The following AGPAT2 variants were observed in gnomAD, a reference collection of about 807,000 sequenced individuals.
AGPAT2 encodes 1-acylglycerol-3-phosphate O-acyltransferase 2.
Under a neutral mutation model 26.1 loss-of-function variants are expected in AGPAT2, and 18 were observed. The observed-to-expected ratio is 0.69, with a 90% CI of 0.48 to 1.02. The LOEUF is 1.02. Among genes scored for constraint, AGPAT2 ranks in the 50% least tolerant of loss-of-function variants. AGPAT2 has a pLI of 0.00. For missense variants in AGPAT2, 415 were observed against 394.9 expected (o/e 1.05, Z -0.43); for synonymous variants, 200 against 174.2 (o/e 1.15, Z -1.16).
rs760293333 is a variant in AGPAT2, at chr9:136,674,725, G to T, written c.661+10C>A. On this transcript the variant is annotated intron_variant, in intron 5 of 5. Coordinates refer to ENST00000371696, the MANE Select transcript of AGPAT2 (RefSeq NM_006412.4). ...GGGCCTACACCCCGGGTGCACACAT[G>T]TGGGGGTACCTGAAGTGAAGAACTT... is the stretch of plus-strand genomic sequence containing the variant. 8 of 1,480,062 alleles carry T rather than the reference G, an allele frequency of 5.4e-6. No individual in the cohort carries two copies. Among genetic ancestry groups the T allele is most frequent in the Middle Eastern group, 1.8e-4 (1 of 5,552 alleles). The allele number at this position is 1,480,062 out of a possible 1,614,324, so 91.7% of individuals were successfully genotyped here.
chr9:136,685,049 C>A (rs1846205350), intron 1 of AGPAT2, among the ~76,000 whole-genome samples: 1 of 152,212 alleles, frequency 6.6e-6, no homozygotes, highest in Non-Finnish European at 1.5e-5. Flanking sequence ...ATCAGGGACC[C>A]TGGGGCCTGG....
chr9:136,676,925 A>G, intron 3 of AGPAT2, 36 bp downstream of exon 3: 9 of 521,432 alleles, frequency 1.7e-5, no homozygotes, highest in Non-Finnish European at 2.6e-5. Context: ...CCCAGGCCCC[A>G]CCCCAACCCC....
chr9:136,677,650 G>T (rs1846111399), intron 1 of AGPAT2, 94 bp from the exon 2 acceptor site: 2 of 1,499,380 alleles, frequency 1.3e-6, no homozygotes, highest in Non-Finnish European at 1.8e-6. Context: ...AGGAGGCTGG[G>T]GAGGGGCCCT....
At chr9:136,679,724 C>T (rs553516571) in intron 1 of AGPAT2, among the ~76,000 whole-genome samples, 1 of 152,362 alleles carries the variant, frequency 6.6e-6, no homozygotes, top group South Asian at 2.1e-4. Context: ...AGAGACTGTC[C>T]TCATCCTTCC....
intron 2 of AGPAT2, 136 bp downstream of exon 2, chr9:136,677,287 C>G: frequency 6.6e-7 from 1 of 1,517,490 alleles, no homozygotes; most frequent in Non-Finnish European, 9.0e-7. Context: ...GTGTCTGGCC[C>G]TGAGGGAGGT....
In AGPAT2 at chr9:136,685,935, C is replaced by T. The variant is rs1033466284; in HGVS notation, c.182+1241G>A. Among the ~76,000 whole-genome samples, 3 of 152,340 alleles carry T rather than the reference C, an allele frequency of 2.0e-5. No individual in the cohort carries two copies. The South Asian group carries it at 6.2e-4, about 32-fold the overall frequency. The stretch of plus-strand genomic sequence containing the variant: ...TCGCTGAAGGGTGCTCCACTGGGGA[C>T]GTCAGCGCCAGTCACCACCTGGGCC... On this transcript the variant is annotated intron_variant, in intron 1 of 5. Coordinates refer to ENST00000371696, the MANE Select transcript of AGPAT2 (RefSeq NM_006412.4).
rs117902363 is a variant in AGPAT2 at position 136,680,614 on chromosome 9, C to T, written c.183-3058G>A. ...CTGGTGAGGGCCACATGGGGTCCCC[C>T]GTAATATCTTTGCAACTTCTCTGTA... On this transcript the variant is annotated intron_variant, in intron 1 of 5. Transcript: ENST00000371696. Among the ~76,000 whole-genome samples, 72 of 152,124 alleles carry T rather than the reference C, an allele frequency of 4.7e-4. No homozygotes were observed. The East Asian group carries it at 0.012, about 24-fold the overall frequency.
chr9:136,677,314 C>T (rs1365635318), intron 2 of AGPAT2, 109 bp downstream of exon 2: 2 of 1,572,998 alleles, frequency 1.3e-6, no homozygotes, highest in Non-Finnish European at 1.7e-6. Flanking sequence ...GCCGAGCTCG[C>T]CCAGGCACAG....
chr9:136,677,493 G>T lies in AGPAT2; in HGVS notation c.246C>A (p.Asp82Glu), dbSNP rs758027160. ...GACGGGCCTCCTGCAGCCTGCGCGG[G>T]TCCCGCACCTCGAAGCGGAGCCCGT... ...YFYGLRFEVR[D>E]PRRLQEARPC... The change falls in exon 2 of 6, where the codon GAC (aspartate) becomes GAA (glutamate). Residue 82 changes from aspartate to glutamate, a missense_variant. Physicochemically the swap from Asp to Glu is conservative, Grantham distance 45 (BLOSUM62 2). Coordinates refer to ENST00000371696, the MANE Select transcript of AGPAT2 (RefSeq NM_006412.4). 6 of 1,613,088 alleles carry T rather than the reference G, an allele frequency of 3.7e-6. No individual in the cohort carries two copies. In the Admixed American group the frequency reaches 1.0e-4, roughly 27 times the overall value.
At chr9:136,677,896 G>A (rs988162336) in intron 1 of AGPAT2, among the ~76,000 whole-genome samples, 1 of 152,226 alleles carries the variant, frequency 6.6e-6, no homozygotes, top group Non-Finnish European at 1.5e-5. Context: ...CAGCCGGAAA[G>A]GAACTGGCAC....
chr9:136,678,361 G>A (rs76524875), intron 1 of AGPAT2, among the ~76,000 whole-genome samples: 26 of 152,320 alleles, frequency 1.7e-4, no homozygotes, highest in African/African-American at 6.3e-4. Flanking sequence ...GGATGTCCAA[G>A]GGGTACCCGA....
Position 136,673,707 on chromosome 9 carries a change from G to A in AGPAT2, c.*45C>T, listed in dbSNP as rs769602973. On this transcript the variant is annotated 3_prime_UTR_variant, in exon 6 of 6. Coordinates refer to ENST00000371696, the MANE Select transcript of AGPAT2 (RefSeq NM_006412.4). ...CCCCTCTGCCCATCCTCCAGCCATC[G>A]GCTTCCACCTGCCCTCCCCAGGTCA... is the stretch of plus-strand genomic sequence containing the variant. 41 of 1,504,828 alleles carry A rather than the reference G, an allele frequency of 2.7e-5. No homozygotes were observed. Among genetic ancestry groups the A allele is most frequent in the Middle Eastern group, 2.4e-4 (1 of 4,222 alleles). 93.2% of individuals were successfully genotyped at this position (1,504,828 alleles called of 1,614,324 possible). A position where few individuals can be genotyped will look rare whatever the true frequency, so the allele number is the denominator to read the frequency against.
At chr9:136,675,350 C>G in intron 4 of AGPAT2, among the ~76,000 whole-genome samples, 1 of 109,760 alleles carries the variant, frequency 9.1e-6, no homozygotes, top group East Asian at 2.6e-4. Flanking sequence ...GGACTGGCAG[C>G]AGGAAGGGAG....
In AGPAT2 at chr9:136,677,517, G is replaced by C. The variant is rs761832220; in HGVS notation, c.222C>G (p.Tyr74Ter). Reference protein sequence around the residue: ...GWFVRSFKYFYGLRFEVRDPR... With the variant: ...GWFVRSFKYF ...GGTCCCGCACCTCGAAGCGGAGCCC[G>C]TAAAAGTACTTGAAGCTTCGCACGA... The change falls in exon 2 of 6, where the codon TAC becomes TAG. Residue 74 changes from tyrosine to a stop codon, truncating the protein, a stop_gained. Coordinates refer to ENST00000371696, the MANE Select transcript of AGPAT2 (RefSeq NM_006412.4). LOFTEE classifies it high-confidence loss of function. The C allele has an allele frequency of 6.2e-7, 1 of 1,612,858 alleles. No individual in the cohort carries two copies. Among genetic ancestry groups the C allele is most frequent in the Non-Finnish European group, 8.5e-7 (1 of 1,179,960 alleles).
At chr9:136,676,873 T>G in intron 3 of AGPAT2, 88 bp downstream of exon 3, 1 of 1,518,900 alleles carries the variant, frequency 6.6e-7, no homozygotes, top group Admixed American at 1.8e-5. Context: ...TCTTGTTTTT[T>G]CTGCCAAAAC....
intron 3 of AGPAT2, 55 bp from the exon 4 acceptor site, chr9:136,676,735 C>CCACG: frequency 6.5e-7 from 1 of 1,538,266 alleles, no homozygotes; most frequent in Non-Finnish European, 9.0e-7. Context: ...CCCAGAAAGG[C>CCACG]CACGCCGCCT....
chr9:136,683,671 G>C (rs1387894496), intron 1 of AGPAT2, among the ~76,000 whole-genome samples: 1 of 152,222 alleles, frequency 6.6e-6, no homozygotes, highest in Non-Finnish European at 1.5e-5. Flanking sequence ...ATGTGTAGGA[G>C]TGCAGGTGTG....
rs1275382031 is a variant in AGPAT2, at chr9:136,677,312, C to T, written c.316+111G>A. ...CTGAGGGAGGTACTGAGGCCGAGCT[C>T]GCCCAGGCACAGGCAGCCCTGTGTC... On this transcript the variant is annotated intron_variant, in intron 2 of 5. Coordinates refer to ENST00000371696, the MANE Select transcript of AGPAT2 (RefSeq NM_006412.4). 1.4e-5 allele frequency: 22 copies of T among 1,565,386 alleles called. No individual in the cohort carries two copies. The South Asian group carries it at 1.7e-4, about 12-fold the overall frequency.
intron 1 of AGPAT2, among the ~76,000 whole-genome samples, chr9:136,680,362 G>C (rs1846143445): frequency 6.6e-6 from 1 of 152,158 alleles, no homozygotes; most frequent in Non-Finnish European, 1.5e-5. Context: ...GAGTAGCTGG[G>C]ATTACAGGTG....
Sources: gnomAD v4.1 joint callset for allele counts (sites outside exome capture counted in the v4.1 genomes callset) on GRCh38, gnomAD v4.1.1 for gene constraint, MANE v1.5 for transcripts, NCBI Gene and HGNC (gene_info 2026-07-23, HGNC 2026-07-21) for gene names.